Variants in SORCS3 observed in about 807,000 individuals in gnomAD.
SORCS3 encodes VPS10 domain-containing receptor SorCS3.
Under a neutral mutation model 146.3 loss-of-function variants are expected in SORCS3, and 57 were observed. The ratio of observed to expected loss-of-function variants is 0.39; its 90% CI spans 0.31 to 0.49. The LOEUF is 0.49. Among genes scored for constraint, SORCS3 ranks in the 20% least tolerant of loss-of-function variants. SORCS3 has a pLI of 0.92. For missense variants in SORCS3, 1,341 were observed against 1,575.5 expected (o/e 0.85, Z 2.52); for synonymous variants, 653 against 618.5 (o/e 1.06, Z -0.83).
Position 105,157,238 on chromosome 10 carries a change from A to G in SORCS3, c.1583A>G (p.Gln528Arg). ...AAAGGCAGGGATTGGCGCCTGCTGC[A>G]AGCTCCGGATGTGGACCTGAGAGGA... is the stretch of plus-strand genomic sequence containing the variant. ...YNKGRDWRLL[Q>R]APDVDLRGSP... The change falls in exon 10 of 27, where the codon CAA (glutamine) becomes CGA (arginine). Residue 528 changes from glutamine to arginine, a missense_variant. Coordinates refer to ENST00000369701, the MANE Select transcript of SORCS3 (RefSeq NM_014978.3). 6.2e-7 allele frequency: 1 copy of G among 1,614,114 alleles called. No individual in the cohort carries two copies. Among genetic ancestry groups the G allele is most frequent in the South Asian group, 1.1e-5 (1 of 91,084 alleles).
chr10:104,795,412 A>G (rs1473096166), intron 1 of SORCS3, among the ~76,000 whole-genome samples: 1 of 152,224 alleles, frequency 6.6e-6, no homozygotes, highest in African/African-American at 2.4e-5. Flanking sequence ...TTTAATCTAC[A>G]TAGTATTTGT....
At chr10:104,829,878 C>T (rs922400304) in intron 1 of SORCS3, among the ~76,000 whole-genome samples, 1 of 151,972 alleles carries the variant, frequency 6.6e-6, no homozygotes, top group Non-Finnish European at 1.5e-5. Context: ...GCCTCTAACT[C>T]GAGATATTTT....
intron 2 of SORCS3, among the ~76,000 whole-genome samples, chr10:104,899,411 G>A (rs1247726963): frequency 6.6e-6 from 1 of 152,170 alleles, no homozygotes; most frequent in Non-Finnish European, 1.5e-5. Flanking sequence ...TCAGGCCAGG[G>A]ATGTATGAGC....
At chr10:105,016,521 T>C (rs1298118518) in intron 4 of SORCS3, among the ~76,000 whole-genome samples, 1 of 151,886 alleles carries the variant, frequency 6.6e-6, no homozygotes, top group Non-Finnish European at 1.5e-5. Flanking sequence ...ACTGAAGAAA[T>C]TGTAGAGCTG....
At position 105,043,104 on chromosome 10, in the gene SORCS3, G is replaced by A. The variant is rs145675254; in HGVS notation, c.1004G>A (p.Arg335His). ...FGRRWQLMHE[R>H]ITPNRFYWSV... Reference sequence around the variant, plus strand: ...AGACGGTGGCAACTCATGCATGAACGCATCACACCCAACAGGTTTTATTGG... The same window carrying A: ...AGACGGTGGCAACTCATGCATGAACACATCACACCCAACAGGTTTTATTGG... Residue 335 changes from arginine (R) to histidine (H), a missense_variant, in exon 5 of 27, where the codon CGC becomes CAC. Coordinates refer to ENST00000369701, the MANE Select transcript of SORCS3 (RefSeq NM_014978.3). The A allele has an allele frequency of 8.4e-4, 1,357 of 1,613,662 alleles. No homozygotes were observed. Among genetic ancestry groups the A allele is most frequent in the Middle Eastern group, 1.2e-3 (7 of 6,056 alleles).
At chr10:105,229,465 G>GTAT (rs1253508585) in intron 20 of SORCS3, among the ~76,000 whole-genome samples, 14 of 152,228 alleles carry the variant, frequency 9.2e-5, no homozygotes, top group Middle Eastern at 3.4e-3. Flanking sequence ...TGTGCAGCTG[G>GTAT]TATAATGGTT....
chr10:104,702,666 G>T (rs1268625390), intron 1 of SORCS3, among the ~76,000 whole-genome samples: 1 of 152,138 alleles, frequency 6.6e-6, no homozygotes, highest in Admixed American at 6.5e-5. Flanking sequence ...ATGAACCTTG[G>T]ACTGTACTCA....
At chr10:105,159,664 A>G (rs933049549) in intron 11 of SORCS3, among the ~76,000 whole-genome samples, 2 of 152,098 alleles carry the variant, frequency 1.3e-5, no homozygotes, top group African/African-American at 4.8e-5. Context: ...GCAGCCTGCT[A>G]ATCTTAGAAG....
chr10:104,972,977 G>T (rs2054870117), intron 3 of SORCS3, among the ~76,000 whole-genome samples: 1 of 152,162 alleles, frequency 6.6e-6, no homozygotes, highest in South Asian at 2.1e-4. Flanking sequence ...CTTTGGTTCT[G>T]TTTATATGCT....
chr10:104,823,435 G>A (rs540124254), intron 1 of SORCS3, among the ~76,000 whole-genome samples: 18 of 151,960 alleles, frequency 1.2e-4, no homozygotes, highest in East Asian at 7.8e-4. Context: ...AGTTTTTAGC[G>A]ACAACTTTTT....
intron 2 of SORCS3, among the ~76,000 whole-genome samples, chr10:104,882,734 G>T (rs922479135): frequency 1.3e-5 from 2 of 152,158 alleles, no homozygotes; most frequent in African/African-American, 2.4e-5. Flanking sequence ...ATACAGCCCA[G>T]TCCTCTTGCT....
intron 1 of SORCS3, among the ~76,000 whole-genome samples, chr10:104,659,834 G>T (rs1192290583): frequency 6.6e-6 from 1 of 152,146 alleles, no homozygotes; most frequent in Non-Finnish European, 1.5e-5. Flanking sequence ...CCTCACAGTT[G>T]GTCTGCCTTT....
chr10:104,967,785 A>C (rs1199621925), intron 3 of SORCS3, among the ~76,000 whole-genome samples: 31 of 150,748 alleles, frequency 2.1e-4, no homozygotes, highest in Admixed American at 2.0e-3. Context: ...CAGCCTCCTG[A>C]GTAGCTGGGG....
rs897474690 is a variant in SORCS3, at chr10:104,776,038, G to C, written c.628-66754G>C. ...GTGAATGAACCTGGTATTTGCCTCT[G>C]GAAGATTCCAGTGTGACTGGGGAGA... On this transcript the variant is annotated intron_variant, in intron 1 of 26. Transcript: ENST00000369701. Among the ~76,000 whole-genome samples, 4 of 152,154 alleles carry C rather than the reference G, an allele frequency of 2.6e-5. 1 individual carries two copies. The highest frequency in any genetic ancestry group is 9.7e-5 in the African/African-American group (4 of 41,424).
chr10:104,690,847 C>A (rs2016103124), intron 1 of SORCS3, among the ~76,000 whole-genome samples: 1 of 152,128 alleles, frequency 6.6e-6, no homozygotes, highest in African/African-American at 2.4e-5. Context: ...CTCAATGCTT[C>A]CTTTATGGAA....
chr10:105,154,071 A>AAAAAG (rs1269474510), intron 9 of SORCS3, among the ~76,000 whole-genome samples: 1 of 146,474 alleles, frequency 6.8e-6, no homozygotes, highest in Non-Finnish European at 1.5e-5. Context: ...CTCCATCTGA[A>AAAAAG]AAAAAAAAAA....
intron 1 of SORCS3, among the ~76,000 whole-genome samples, chr10:104,747,673 T>C (rs549334141): frequency 3.9e-5 from 6 of 152,334 alleles, no homozygotes; most frequent in Non-Finnish European, 7.4e-5. Flanking sequence ...CATTATCCTA[T>C]AACTCTGGGG....
At chr10:104,817,813 C>A (rs2017822173) in intron 1 of SORCS3, among the ~76,000 whole-genome samples, 1 of 150,538 alleles carries the variant, frequency 6.6e-6, no homozygotes, top group South Asian at 2.1e-4. Flanking sequence ...TGCTCGTGGT[C>A]CCACAATAGG....
Position 105,146,446 on chromosome 10 carries a change from A to T in SORCS3, c.1303-1171A>T, listed in dbSNP as rs907416108. Reference sequence around the variant, plus strand: ...TGTCAGGACCCAGGAAGTTAACATCAGTATGTAAGTGGCGGACCGTAAGAA... The same window carrying T: ...TGTCAGGACCCAGGAAGTTAACATCTGTATGTAAGTGGCGGACCGTAAGAA... On this transcript the variant is annotated intron_variant, in intron 8 of 26. Coordinates refer to ENST00000369701, the MANE Select transcript of SORCS3 (RefSeq NM_014978.3). 2.0e-5 allele frequency among the ~76,000 whole-genome samples: 3 copies of T among 152,074 alleles called. No homozygotes were observed. In the East Asian group the frequency reaches 5.8e-4, roughly 29 times the overall value.
Sources: gnomAD v4.1 joint callset for allele counts (sites outside exome capture counted in the v4.1 genomes callset) on GRCh38, gnomAD v4.1.1 for gene constraint, MANE v1.5 for transcripts, NCBI Gene and HGNC (gene_info 2026-07-23, HGNC 2026-07-21) for gene names.